CD70: variants seen among roughly 807,000 people sequenced by gnomAD.
CD70 encodes the protein CD70 antigen.
In CD70, 6 loss-of-function variants were observed where a neutral mutation model predicts 9.0. That is an observed-to-expected ratio of 0.67 (90% CI 0.37 to 1.32). The LOEUF (loss-of-function observed/expected upper bound fraction) is 1.32. CD70 is among the 40% of genes most tolerant of loss of function. The probability of loss-of-function intolerance (pLI) is 0.02; values close to 1 mark genes in which losing one functional copy is unlikely to be tolerated. For synonymous variants in CD70, 108 were observed against 112.3 expected, an observed-to-expected ratio of 0.96 and a Z score of 0.24; for missense variants, 235 against 258.7, an observed-to-expected ratio of 0.91 and a Z score of 0.63.
intron 2 of CD70, among the ~76,000 whole-genome samples, chr19:6,589,577 A>C (rs1160930082): frequency 6.6e-6 from 1 of 151,660 alleles, no homozygotes; most frequent in Non-Finnish European, 1.5e-5. Context: ...TTTAGTAGAG[A>C]CGGGGTTTCA....
At chr19:6,585,803 T>G, downstream of CD70, 1 of 486,828 alleles carries the variant, frequency 2.1e-6, no homozygotes, top group South Asian at 2.8e-5. Context: ...GTCGGCCGAG[T>G]AGCTGGGATT....
intron 2 of CD70, among the ~76,000 whole-genome samples, chr19:6,588,312 G>A (rs1187797785): frequency 6.6e-6 from 1 of 152,140 alleles, no homozygotes; most frequent in Non-Finnish European, 1.5e-5. Flanking sequence ...GTGCCCCATC[G>A]ATGTGGGGCT....
At chr19:6,584,143 G>GC, downstream of CD70, among the ~76,000 whole-genome samples, 1 of 69,958 alleles carries the variant, frequency 1.4e-5, no homozygotes, top group East Asian at 5.6e-4. Flanking sequence ...ACTTCTCATT[G>GC]TAAAAAAAAA....
At chr19:6,583,092 G>T, downstream of CD70, 1 of 403,202 alleles carries the variant, frequency 2.5e-6, no homozygotes. Context: ...TCCCTCAGCT[G>T]GGACACCCCA....
downstream of CD70, chr19:6,583,339 G>T: frequency 1.4e-6 from 1 of 700,200 alleles, no homozygotes; most frequent in Non-Finnish European, 2.6e-6. Flanking sequence ...CTGTGAAATG[G>T]GAACAATGAT....
chr19:6,588,065 T>G (rs1015192295), intron 2 of CD70, among the ~76,000 whole-genome samples: 2 of 152,204 alleles, frequency 1.3e-5, no homozygotes, highest in African/African-American at 2.4e-5. Context: ...CTTATCTGAC[T>G]GACACACCTG....
Position 6,590,931 on chromosome 19 carries a change from G to A in CD70, c.72C>T (p.Val24=), listed in dbSNP as rs1916144768. The A allele has an allele frequency of 6.2e-7, 1 of 1,614,036 alleles. No individual in the cohort carries two copies. Among genetic ancestry groups the A allele is most frequent in the Non-Finnish European group, 8.5e-7 (1 of 1,179,978 alleles). The change falls in exon 1 of 3, where the codon GTC becomes GTT. Residue 24 remains valine (V), a synonymous_variant. Coordinates refer to ENST00000245903, the MANE Select transcript of CD70 (RefSeq NM_001252.5). The surrounding 1 kb of genome is among the most constrained non-coding windows in gnomAD (Gnocchi z 5.3). The stretch of plus-strand genomic sequence containing the variant: ...AGATCACCAAGCCCGCGACCAATGG[G>A]ACCAAAGCAGCCCGCAGGACGCACC... ...PYGCVLRAAL[V]PLVAGLVICL...
At position 6,590,882 on chromosome 19, in the gene CD70, A is replaced by T. The variant is rs774106387; in HGVS notation, c.121T>A (p.Phe41Ile). Residue 41 changes from phenylalanine to isoleucine, a missense_variant, in exon 1 of 3, where the codon TTC becomes ATC. Physicochemically the swap from Phe to Ile is conservative, Grantham distance 21 (BLOSUM62 0). Transcript: ENST00000245903. This position sits in a 1 kb window ranked among gnomAD's most constrained non-coding sequence, Gnocchi z 5.3. Reference sequence around the variant, plus strand: ...GGCAGCTGCTGCTGAGCCTGTGCGAAGCGCTGGATGCACACCACGAGGCAG... The same window carrying T: ...GGCAGCTGCTGCTGAGCCTGTGCGATGCGCTGGATGCACACCACGAGGCAG... ...VICLVVCIQR[F>I]AQAQQQLPLE... is the part of the protein sequence containing the mutation. 62 of 1,613,872 alleles carry T rather than the reference A, an allele frequency of 3.8e-5. 1 individual carries two copies. The South Asian group carries it at 6.5e-4, about 17-fold the overall frequency.
chr19:6,583,553 CTTTTTT>C (rs72193958), downstream of CD70: 21 of 402,560 alleles, frequency 5.2e-5, no homozygotes, highest in South Asian at 1.2e-4. Context: ...TAATTGTAGT[CTTTTTT>C]TTTTTTTTTT....
chr19:6,583,471 A>G, downstream of CD70: 1 of 645,598 alleles, frequency 1.5e-6, no homozygotes, highest in Non-Finnish European at 2.8e-6. Context: ...TCCAAAATCC[A>G]AAAAGCCCTG....
chr19:6,585,299 T>G (rs1335003299), downstream of CD70, among the ~76,000 whole-genome samples: 1 of 152,060 alleles, frequency 6.6e-6, no homozygotes, highest in African/African-American at 2.4e-5. Context: ...CAAAGTGATC[T>G]TTGTGTTTCC....
At chr19:6,587,053 T>TGA (rs772994396) in intron 2 of CD70, among the ~76,000 whole-genome samples, 3 of 128,778 alleles carry the variant, frequency 2.3e-5, no homozygotes, top group African/African-American at 3.0e-5. Flanking sequence ...ACAGAGAGCA[T>TGA]GAGAGAGAGA....
chr19:6,583,789 A>G (rs528083784), downstream of CD70, among the ~76,000 whole-genome samples: 31 of 98,874 alleles, frequency 3.1e-4, no homozygotes, highest in African/African-American at 1.0e-3. Flanking sequence ...TGTGGTCTTG[A>G]TTTTTTTTTT....
chr19:6,585,073 G>C (rs984461949), downstream of CD70, among the ~76,000 whole-genome samples: 6 of 152,028 alleles, frequency 3.9e-5, no homozygotes, highest in African/African-American at 1.4e-4. Context: ...TGAAACTTCC[G>C]CCTCCCAGGT....
intron 2 of CD70, among the ~76,000 whole-genome samples, chr19:6,589,189 C>T (rs1187467962): frequency 1.3e-5 from 2 of 150,428 alleles, no homozygotes; most frequent in East Asian, 2.0e-4. Context: ...CTTCTTCCCC[C>T]TCTCTGTCTC....
intron 2 of CD70, 120 bp from the exon 3 acceptor site, chr19:6,586,525 G>C (rs964004778): frequency 8.8e-7 from 1 of 1,137,448 alleles, no homozygotes. Flanking sequence ...TAGGTTGGAC[G>C]TGGTGGCTCA....
intron 2 of CD70, 121 bp downstream of exon 2, chr19:6,589,982 T>A: frequency 1.9e-5 from 11 of 565,692 alleles, no homozygotes; most frequent in African/African-American, 5.8e-5. Context: ...TCCCTCCCTC[T>A]CTCCCTCCGT....
chr19:6,582,831 T>A (rs1190149088), downstream of CD70, among the ~76,000 whole-genome samples: 2 of 152,220 alleles, frequency 1.3e-5, no homozygotes, highest in African/African-American at 4.8e-5. Flanking sequence ...ATCTTAAAGC[T>A]GCCAGATAAT....
chr19:6,590,763 C>T lies in CD70; in HGVS notation c.162+78G>A. 7.6e-7 allele frequency: 1 copy of T among 1,315,234 alleles called. No homozygotes were observed. Among genetic ancestry groups the T allele is most frequent in the Non-Finnish European group, 1.1e-6 (1 of 924,232 alleles). The allele number at this position is 1,315,234 out of a possible 1,614,324, so 81.5% of individuals were successfully genotyped here. ...CCTACCAGATCTTCCTCTCTGGCCT[C>T]TTTGTACCCATCTCATTCTGTCTTT... On this transcript the variant is annotated intron_variant, in intron 1 of 2. Coordinates refer to ENST00000245903, the MANE Select transcript of CD70 (RefSeq NM_001252.5). The surrounding 1 kb of genome is among the most constrained non-coding windows in gnomAD (Gnocchi z 5.3).
Sources: gnomAD v4.1 joint callset for allele counts (sites outside exome capture counted in the v4.1 genomes callset) on GRCh38, gnomAD v4.1.1 for gene constraint, Gnocchi (gnomAD v3.1) non-coding constraint, MANE v1.5 for transcripts, NCBI Gene and HGNC (gene_info 2026-07-23, HGNC 2026-07-21) for gene names.